The following C20orf203 variants were observed in gnomAD, a reference collection of about 807,000 sequenced individuals.
The protein encoded by C20orf203 is chromosome 20 open reading frame 203.
A neutral mutation model predicts 15.9 loss-of-function variants in C20orf203; 16 were observed. That is an observed-to-expected ratio of 1.01 (90% CI 0.68 to 1.53). The LOEUF is 1.53. Ranked by LOEUF, C20orf203 falls within the 40% of genes most tolerant of loss-of-function variation. The pLI, the probability that C20orf203 is intolerant of heterozygous loss-of-function variation, is 0.00. For missense variants in C20orf203, 263 were observed against 247.5 expected (o/e 1.06, Z -0.42); for synonymous variants, 98 against 97.2 (o/e 1.01, Z -0.05).
At position 32,650,370 on chromosome 20, in the gene C20orf203, G is replaced by A. The variant is rs1487128697; in HGVS notation, c.*62C>T. 13 of 1,209,754 alleles carry A rather than the reference G, an allele frequency of 1.1e-5. No homozygotes were observed. In the Admixed American group the frequency reaches 2.1e-4, roughly 19 times the overall value. The allele number at this position is 1,209,754 out of a possible 1,614,324, so 74.9% of individuals were successfully genotyped here. A position where few individuals can be genotyped will look rare whatever the true frequency, so the allele number is the denominator to read the frequency against. On this transcript the variant is annotated 3_prime_UTR_variant, in exon 4 of 6. Transcript: ENST00000608990. ...GGGGTGGTAACAGGGGACACCCTGA[G>A]GTGGTGGTGGCCTTGGTAGGACAGG...
At position 32,650,191 on chromosome 20, in the gene C20orf203, C is replaced by T. The variant is rs190912320; in HGVS notation, c.*241G>A. 9 of 520,306 alleles carry T rather than the reference C, an allele frequency of 1.7e-5. No homozygotes were observed. Among genetic ancestry groups the T allele is most frequent in the African/African-American group, 3.8e-5 (2 of 52,486 alleles). 32.2% of individuals were successfully genotyped at this position (520,306 alleles called of 1,614,324 possible). A position where few individuals can be genotyped will look rare whatever the true frequency, so the allele number is the denominator to read the frequency against. ...CCAGAGCCTGCCCCGCATGTCCGGCCGGGGTTCTACCCAGAGCCAGCCTGG... is the reference window on the plus strand; with the variant it reads ...CCAGAGCCTGCCCCGCATGTCCGGCTGGGGTTCTACCCAGAGCCAGCCTGG... On this transcript the variant is annotated 3_prime_UTR_variant, in exon 4 of 6. Coordinates refer to ENST00000608990, the MANE Select transcript of C20orf203 (RefSeq NM_182584.4).
chr20:32,661,784 C>T (rs1166618267), intron 1 of C20orf203, among the ~76,000 whole-genome samples: 8 of 152,172 alleles, frequency 5.3e-5, no homozygotes, highest in Admixed American at 5.2e-4. Flanking sequence ...GGAGACCCAG[C>T]AGAGGCTCTC....
At chr20:32,643,892 C>A (rs1444020535) in intron 4 of C20orf203, among the ~76,000 whole-genome samples, 1 of 152,162 alleles carries the variant, frequency 6.6e-6, no homozygotes, top group Non-Finnish European at 1.5e-5. Flanking sequence ...AGGAGAAGTG[C>A]CTTTCTGTTT....
intron 4 of C20orf203, among the ~76,000 whole-genome samples, chr20:32,648,684 C>A (rs2077692138): frequency 6.6e-6 from 1 of 150,836 alleles, no homozygotes; most frequent in Admixed American, 6.6e-5. Flanking sequence ...GATCTCCTGA[C>A]CTCGTGATCC....
At chr20:32,637,039 T>C (rs1261952235) in intron 5 of C20orf203, among the ~76,000 whole-genome samples, 2 of 152,182 alleles carry the variant, frequency 1.3e-5, no homozygotes, top group East Asian at 3.9e-4. Flanking sequence ...TCCCCAACCC[T>C]GCCAAGGCCA....
chr20:32,655,837 T>C (rs1476262406), intron 1 of C20orf203, among the ~76,000 whole-genome samples: 1 of 152,186 alleles, frequency 6.6e-6, no homozygotes, highest in Non-Finnish European at 1.5e-5. Flanking sequence ...ATGGTTGGGA[T>C]GTTTGTCTCC....
chr20:32,648,932 G>T (rs1982524654), intron 4 of C20orf203, among the ~76,000 whole-genome samples: 1 of 152,126 alleles, frequency 6.6e-6, no homozygotes, highest in Admixed American at 6.5e-5. Flanking sequence ...ATGAGCCGCA[G>T]GCTTTACTCC....
intron 4 of C20orf203, among the ~76,000 whole-genome samples, chr20:32,647,750 A>G (rs1395972771): frequency 1.3e-5 from 2 of 152,168 alleles, no homozygotes; most frequent in East Asian, 3.9e-4. Flanking sequence ...CGCCAGATAC[A>G]GTTCCCCACC....
At chr20:32,654,651 T>C (rs1325309414) in intron 1 of C20orf203, among the ~76,000 whole-genome samples, 3 of 152,092 alleles carry the variant, frequency 2.0e-5, no homozygotes, top group African/African-American at 7.2e-5. Context: ...GAGACCAGCC[T>C]GGGTGATATG....
intron 5 of C20orf203, among the ~76,000 whole-genome samples, chr20:32,639,884 G>A (rs77761872): frequency 3.3e-5 from 5 of 152,176 alleles, no homozygotes; most frequent in South Asian, 2.1e-4. Flanking sequence ...TGGCACACAC[G>A]TAATCATAAC....
At position 32,647,062 on chromosome 20, in the gene C20orf203, G is replaced by A. The variant is rs145243791; in HGVS notation, c.*1177+2193C>T. 4.5e-4 allele frequency among the ~76,000 whole-genome samples: 68 copies of A among 152,304 alleles called. 2 individuals carry two copies. The highest frequency in any genetic ancestry group is 1.6e-3 in the African/African-American group (66 of 41,580). On this transcript the variant is annotated intron_variant, in intron 4 of 5. Coordinates refer to ENST00000608990, the MANE Select transcript of C20orf203 (RefSeq NM_182584.4). ...CTCCATTGTCTCACTCATAAGTGGA[G>A]AGGCTCATGCCTCCCCCAGGGTAAC...
intron 4 of C20orf203, among the ~76,000 whole-genome samples, chr20:32,647,584 A>T (rs1319313443): frequency 3.3e-5 from 5 of 152,236 alleles, no homozygotes; most frequent in African/African-American, 1.2e-4. Flanking sequence ...ACACGCCTGT[A>T]GTCCCGACTA....
chr20:32,666,885 G>A (rs1180040757), intron 1 of C20orf203, among the ~76,000 whole-genome samples: 1 of 142,308 alleles, frequency 7.0e-6, no homozygotes, highest in Admixed American at 7.3e-5. Flanking sequence ...CTGGCCTCAA[G>A]CAATCCTCCC....
At position 32,651,930 on chromosome 20, in the gene C20orf203, G is replaced by C. The variant is rs1317628825; in HGVS notation, c.-212C>G. On this transcript the variant is annotated 5_prime_UTR_variant, in exon 2 of 6. Coordinates refer to ENST00000608990, the MANE Select transcript of C20orf203 (RefSeq NM_182584.4). ...TGCAGGGTCCTGAACAAGACCCCAG[G>C]AAGGGACTAAGATGAATCTGAGATT... is the stretch of plus-strand genomic sequence containing the variant. 1.3e-5 allele frequency: 2 copies of C among 152,200 alleles called. No homozygotes were observed. Among genetic ancestry groups the C allele is most frequent in the Admixed American group, 1.3e-4 (2 of 15,276 alleles). The allele number at this position is 152,200 out of a possible 1,614,324, so 9.4% of individuals were successfully genotyped here. A position where few individuals can be genotyped will look rare whatever the true frequency, so the allele number is the denominator to read the frequency against.
chr20:32,661,034 G>T (rs928576700), intron 1 of C20orf203, among the ~76,000 whole-genome samples: 1 of 152,208 alleles, frequency 6.6e-6, no homozygotes, highest in African/African-American at 2.4e-5. Flanking sequence ...TGATATTTGT[G>T]TGGGGACACA....
Position 32,650,549 on chromosome 20 carries a change from G to T in C20orf203, c.468C>A (p.Ala156=). The change falls in exon 4 of 6, where the codon GCC becomes GCA. Residue 156 remains alanine, a synonymous_variant. Coordinates refer to ENST00000608990, the MANE Select transcript of C20orf203 (RefSeq NM_182584.4). ...AGTCCTGGAAACATGTTGAGGTCCA[G>T]GCCAGCGAGGACAGAGCTTGGCCAA... ...GDFGQALSSL[A]WTSTCFQDFC... The T allele has an allele frequency of 1.3e-6, 2 of 1,549,552 alleles. No individual in the cohort carries two copies. The highest frequency in any genetic ancestry group is 1.7e-6 in the Non-Finnish European group (2 of 1,146,010).
chr20:32,639,981 G>A (rs1277299828), intron 5 of C20orf203, among the ~76,000 whole-genome samples: 2 of 152,182 alleles, frequency 1.3e-5, no homozygotes, highest in African/African-American at 2.4e-5. Context: ...TCATTCTCAC[G>A]ACTTCCTGTG....
intron 1 of C20orf203, among the ~76,000 whole-genome samples, chr20:32,658,728 G>C (rs1415784985): frequency 6.6e-6 from 1 of 152,152 alleles, no homozygotes; most frequent in Non-Finnish European, 1.5e-5. Flanking sequence ...CTGACATTGT[G>C]TGAGCACAAA....
At position 32,650,552 on chromosome 20, in the gene C20orf203, C is replaced by T. The variant is rs73251627; in HGVS notation, c.465G>A (p.Leu155=). ...CCTGGAAACATGTTGAGGTCCAGGC[C>T]AGCGAGGACAGAGCTTGGCCAAAGT... is the stretch of plus-strand genomic sequence containing the variant. ...VGDFGQALSS[L]AWTSTCFQDF... The change falls in exon 4 of 6, where the codon CTG becomes CTA. Residue 155 remains leucine (L), a synonymous_variant. Transcript: ENST00000608990. 2,477 of 1,549,474 alleles carry T rather than the reference C, an allele frequency of 1.6e-3. 38 individuals are homozygous for T. In the African/African-American group the frequency reaches 0.03, roughly 19 times the overall value.
Sources: allele counts gnomAD v4.1 joint callset (sites outside exome capture counted in the v4.1 genomes callset), GRCh38; gene constraint gnomAD v4.1.1; transcripts MANE v1.5; gene names NCBI Gene and HGNC (gene_info 2026-07-23, HGNC 2026-07-21).